Variants in PDGFRA observed in about 807,000 individuals in gnomAD.
PDGFRA encodes the protein platelet-derived growth factor receptor alpha.
Under a neutral mutation model 121.5 loss-of-function variants are expected in PDGFRA, and 25 were observed. The ratio of observed to expected loss-of-function variants is 0.21; its 90% CI spans 0.15 to 0.29. PDGFRA has a LOEUF of 0.29. Ranked by LOEUF, PDGFRA falls within the 10% of genes least tolerant of loss-of-function variation. PDGFRA has a pLI of 1.00. For synonymous variants in PDGFRA, 463 were observed against 494.8 expected, an observed-to-expected ratio of 0.94 and a Z score of 0.85; for missense variants, 1,008 against 1,345.1, an observed-to-expected ratio of 0.75 and a Z score of 3.92.
intron 1 of PDGFRA, among the ~76,000 whole-genome samples, chr4:54,249,348 G>C (rs577103868): frequency 4.9e-4 from 74 of 152,036 alleles, no homozygotes; most frequent in Non-Finnish European, 9.3e-4. Flanking sequence ...TGTTTATTGC[G>C]GCACTATTCA....
At position 54,278,381 on chromosome 4, in the gene PDGFRA, A is replaced by T. The variant is rs2110315012; in HGVS notation, c.2022A>T (p.Thr674=). The change falls in exon 15 of 23, where the codon ACA becomes ACT. Residue 674 remains threonine (T), a synonymous_variant. Transcript: ENST00000257290. ...CTKSGPIYII[T]EYCFYGDLVN... The stretch of plus-strand genomic sequence containing the variant: ...CCATAGGCCCCATTTACATCATCAC[A>T]GAGTATTGCTTCTATGGAGATTTGG... 6.2e-7 allele frequency: 1 copy of T among 1,613,686 alleles called. No individual in the cohort carries two copies. The highest frequency in any genetic ancestry group is 1.1e-5 in the South Asian group (1 of 91,062).
At chr4:54,243,032 A>G (rs897030441) in intron 1 of PDGFRA, among the ~76,000 whole-genome samples, 1 of 152,188 alleles carries the variant, frequency 6.6e-6, no homozygotes, top group Non-Finnish European at 1.5e-5. Context: ...ATGAGTGGTT[A>G]TTACTACAGA....
intron 19 of PDGFRA, among the ~76,000 whole-genome samples, chr4:54,287,985 C>T (rs1724439914): frequency 6.6e-6 from 1 of 152,112 alleles, no homozygotes; most frequent in African/African-American, 2.4e-5. Context: ...TGTCATTGGC[C>T]AGTCTTGACA....
In PDGFRA at chr4:54,272,256, A is replaced by G. The variant is rs887448006; in HGVS notation, c.1238-138A>G. On this transcript the variant is annotated intron_variant, in intron 8 of 22. Transcript: ENST00000257290. ...GTGGGTCTGTCTAAACTGGAGTGTT[A>G]CTTGTACAACTGGTTTCAGCCCCTC... is the stretch of plus-strand genomic sequence containing the variant. 81 of 827,808 alleles carry G rather than the reference A, an allele frequency of 9.8e-5. No individual in the cohort carries two copies. In the African/African-American group the frequency reaches 1.0e-3, roughly 10 times the overall value. The allele number at this position is 827,808 out of a possible 1,614,324, so 51.3% of individuals were successfully genotyped here.
At chr4:54,288,664 T>C in intron 19 of PDGFRA, 135 bp from the exon 20 acceptor site, 1 of 725,028 alleles carries the variant, frequency 1.4e-6, no homozygotes. Context: ...ATGATGACAC[T>C]GAATTTTCTT....
At position 54,295,352 on chromosome 4, in the gene PDGFRA, A is replaced by G; in HGVS notation, c.*80A>G. 1 of 1,352,212 alleles carries G rather than the reference A, an allele frequency of 7.4e-7. No individual in the cohort carries two copies. The highest frequency in any genetic ancestry group is 1.1e-6 in the Non-Finnish European group (1 of 946,228). 83.8% of individuals were successfully genotyped at this position (1,352,212 alleles called of 1,614,324 possible). ...AGAAAACCACTTTATTGCAATGCAGAGGTTGAGAGGAGGACTTGGTTGATG... is the reference window on the plus strand; with the variant it reads ...AGAAAACCACTTTATTGCAATGCAGGGGTTGAGAGGAGGACTTGGTTGATG... On this transcript the variant is annotated 3_prime_UTR_variant, in exon 23 of 23. Transcript: ENST00000257290.
chr4:54,245,492 A>C (rs1171763516), intron 1 of PDGFRA, among the ~76,000 whole-genome samples: 1 of 151,568 alleles, frequency 6.6e-6, no homozygotes, highest in Non-Finnish European at 1.5e-5. Context: ...GAAATAAAAT[A>C]CTTTACAGAC....
intron 1 of PDGFRA, among the ~76,000 whole-genome samples, chr4:54,247,784 C>T (rs1721778452): frequency 1.3e-5 from 2 of 152,140 alleles, no homozygotes; most frequent in African/African-American, 4.8e-5. Context: ...GTCAAATTGT[C>T]CCTGTTTGCG....
At chr4:54,238,266 TAG>T (rs1395938567) in intron 1 of PDGFRA, among the ~76,000 whole-genome samples, 1 of 152,188 alleles carries the variant, frequency 6.6e-6, no homozygotes. Context: ...AATACATGAT[TAG>T]GCCCCACCAA....
In PDGFRA at chr4:54,290,322, A is replaced by G. The variant is rs1290364180; in HGVS notation, c.2890A>G (p.Lys964Glu). 1.2e-6 allele frequency: 2 copies of G among 1,611,984 alleles called. No individual in the cohort carries two copies. Among genetic ancestry groups the G allele is most frequent in the Middle Eastern group, 1.7e-4 (1 of 6,060 alleles). ...CAATGAATGTTTATAGAGTTATGAAAAAATTCACCTGGACTTCCTGAAGAG... is the reference window on the plus strand; with the variant it reads ...CAATGAATGTTTATAGAGTTATGAAGAAATTCACCTGGACTTCCTGAAGAG... ...LPGQYKKSYE[K>E]IHLDFLKSDH... Residue 964 changes from lysine to glutamate, a missense_variant, in exon 22 of 23, where the codon AAA becomes GAA. By Grantham distance (56) the Lys-to-Glu change is moderately conservative. Coordinates refer to ENST00000257290, the MANE Select transcript of PDGFRA (RefSeq NM_006206.6).
chr4:54,280,758 T>A (rs199632389), intron 16 of PDGFRA: 542 of 230,942 alleles, frequency 2.3e-3, no homozygotes, highest in South Asian at 6.1e-3. Flanking sequence ...GTAAACATTT[T>A]TTAAAAAAAA....
intron 7 of PDGFRA, among the ~76,000 whole-genome samples, chr4:54,269,500 T>TAC (rs775552548): frequency 2.2e-5 from 3 of 136,308 alleles, no homozygotes; most frequent in East Asian, 2.2e-4. Context: ...TTTATGCACA[T>TAC]ACATACACAC....
chr4:54,284,558 GAGAGACAGA>G (rs1724220133), intron 16 of PDGFRA, among the ~76,000 whole-genome samples: 1 of 15,182 alleles, frequency 6.6e-5, no homozygotes, highest in African/African-American at 9.4e-5. Flanking sequence ...GCAAGTGAGA[GAGAGACAGA>G]GAGAGAGAGA....
intron 19 of PDGFRA, 104 bp from the exon 20 acceptor site, chr4:54,288,695 G>A: frequency 1.3e-6 from 1 of 782,126 alleles, no homozygotes; most frequent in Non-Finnish European, 2.3e-6. Flanking sequence ...GTGCTTCAAG[G>A]CTATAGGATC....
chr4:54,285,801 G>A (rs1242160496), intron 17 of PDGFRA, 40 bp from the exon 18 acceptor site: 7 of 1,611,122 alleles, frequency 4.3e-6, no homozygotes, highest in Non-Finnish European at 5.9e-6. Context: ...TTCAGCTACA[G>A]ATGGCTTGAT....
chr4:54,277,552 A>G, intron 13 of PDGFRA, 60 bp downstream of exon 13: 2 of 1,114,546 alleles, frequency 1.8e-6, no homozygotes, highest in South Asian at 2.5e-5. Flanking sequence ...TGGGGATATT[A>G]AGGGAATTTC....
intron 3 of PDGFRA, among the ~76,000 whole-genome samples, chr4:54,261,920 TATATATA>T (rs1397181588): frequency 2.9e-5 from 2 of 69,510 alleles, no homozygotes; most frequent in African/African-American, 1.0e-4. Context: ...TATATATATA[TATATATA>T]TATATTTTTT....
In PDGFRA at chr4:54,295,230, C is replaced by G. The variant is rs148629782; in HGVS notation, c.3228C>G (p.Ile1076Met). Reference protein sequence around the residue: ...TIEDIDMMDDIGIDSSDLVED... With the variant: ...TIEDIDMMDDMGIDSSDLVED... ...AAGACATCGACATGATGGATGACAT[C>G]GGCATAGACTCTTCAGACCTGGTGG... Residue 1076 changes from isoleucine to methionine, a missense_variant, in exon 23 of 23, where the codon ATC becomes ATG. Physicochemically the swap from Ile to Met is conservative, Grantham distance 10 (BLOSUM62 1). Transcript: ENST00000257290. The G allele has an allele frequency of 1.2e-4, 198 of 1,613,870 alleles. 2 individuals are homozygous for G. The South Asian group carries it at 2.0e-3, about 16-fold the overall frequency.
chr4:54,245,560 G>A (rs1331514431), intron 1 of PDGFRA, among the ~76,000 whole-genome samples: 3 of 152,200 alleles, frequency 2.0e-5, no homozygotes. Flanking sequence ...GCTCCTGAAG[G>A]AAGCACTAAA....
Sources: allele counts gnomAD v4.1 joint callset (sites outside exome capture counted in the v4.1 genomes callset), GRCh38; gene constraint gnomAD v4.1.1; transcripts MANE v1.5; gene names NCBI Gene and HGNC (gene_info 2026-07-23, HGNC 2026-07-21).